The following B4GALT6 variants were observed in gnomAD, a reference collection of about 807,000 sequenced individuals.
B4GALT6 encodes the protein UDP-Gal:beta-GlcNAc beta-1,4-galactosyltransferase 6.
B4GALT6 carries 14 observed loss-of-function variants against 46.3 expected under a neutral mutation model. The observed-to-expected ratio is 0.30, with a 90% CI of 0.20 to 0.47. B4GALT6 has a LOEUF of 0.47. B4GALT6 is among the 20% of genes least tolerant of loss of function. The probability of loss-of-function intolerance (pLI) is 0.99; values close to 1 mark genes in which losing one functional copy is unlikely to be tolerated. For missense variants in B4GALT6, 386 were observed against 480.1 expected, an observed-to-expected ratio of 0.80 and a Z score of 1.83; for synonymous variants, 168 against 162.0, an observed-to-expected ratio of 1.04 and a Z score of -0.28.
chr18:31,700,603 C>T, the B4GALT6 span, among the ~76,000 whole-genome samples: 52 of 152,106 alleles, frequency 3.4e-4, no homozygotes, highest in African/African-American at 1.0e-3. Context: ...ACTACAGGTG[C>T]CTGCCTCCAC....
chr18:31,629,849 CAAA>C (rs1192136047), intron 6 of B4GALT6, among the ~76,000 whole-genome samples: 7 of 60,104 alleles, frequency 1.2e-4, no homozygotes, highest in Non-Finnish European at 1.4e-4. Context: ...GACTCTGTCT[CAAA>C]AAAAAAAAAA....
chr18:31,627,818 T>G (rs1019372120), intron 6 of B4GALT6, among the ~76,000 whole-genome samples: 6 of 152,264 alleles, frequency 3.9e-5, no homozygotes, highest in Non-Finnish European at 7.3e-5. Context: ...TTAGCTAAAC[T>G]GTGTGTTTAG....
intron 5 of B4GALT6, 69 bp downstream of exon 5, chr18:31,638,575 T>C (rs2073891213): frequency 1.9e-5 from 23 of 1,231,452 alleles, no homozygotes; most frequent in Non-Finnish European, 2.7e-5. Flanking sequence ...CCTAAATATG[T>C]TTAATCTAAC....
chr18:31,661,184 C>T (rs1479235998), intron 2 of B4GALT6, among the ~76,000 whole-genome samples: 1 of 152,148 alleles, frequency 6.6e-6, no homozygotes, highest in African/African-American at 2.4e-5. Context: ...ACAACATCAA[C>T]AATACCGATT....
At chr18:31,630,084 C>CG (rs1342466982) in intron 6 of B4GALT6, among the ~76,000 whole-genome samples, 2 of 10,118 alleles carry the variant, frequency 2.0e-4, no homozygotes, top group African/African-American at 8.3e-4. Flanking sequence ...GGAGCGGAAG[C>CG]GGGGAGGGGG....
chr18:31,663,510 A>G (rs1160781493), intron 2 of B4GALT6, among the ~76,000 whole-genome samples: 3 of 152,248 alleles, frequency 2.0e-5, no homozygotes, highest in East Asian at 3.8e-4. Context: ...AAAATAGTAT[A>G]CATCTATTTA....
At chr18:31,691,258 G>C in the B4GALT6 span, among the ~76,000 whole-genome samples, 2 of 143,004 alleles carry the variant, frequency 1.4e-5, no homozygotes, top group Non-Finnish European at 3.0e-5. Context: ...TGGATCAGTG[G>C]ATTAACATAG....
chr18:31,668,582 TGTTA>T (rs917243545), intron 1 of B4GALT6, among the ~76,000 whole-genome samples: 4 of 152,232 alleles, frequency 2.6e-5, no homozygotes, highest in African/African-American at 9.6e-5. Flanking sequence ...TTGTTCTTAA[TGTTA>T]GTTTCATAAA....
chr18:31,686,128 C>T (rs956093133), upstream of B4GALT6: 6 of 152,230 alleles, frequency 3.9e-5, no homozygotes, highest in African/African-American at 1.2e-4. Context: ...AGCTGTATCA[C>T]ATTGTTCAAA....
chr18:31,665,984 C>T (rs1296073736), intron 2 of B4GALT6, among the ~76,000 whole-genome samples: 4 of 152,100 alleles, frequency 2.6e-5, no homozygotes, highest in Admixed American at 1.3e-4. Flanking sequence ...ATACAACATA[C>T]GAATTGAAAA....
At chr18:31,631,398 T>C (rs2144509804) in intron 5 of B4GALT6, among the ~76,000 whole-genome samples, 1 of 152,076 alleles carries the variant, frequency 6.6e-6, no homozygotes, top group South Asian at 2.1e-4. Flanking sequence ...TGCATCATGA[T>C]CAAATGATTA....
chr18:31,638,318 G>C (rs937926604), intron 5 of B4GALT6, among the ~76,000 whole-genome samples: 1 of 152,144 alleles, frequency 6.6e-6, no homozygotes, highest in Non-Finnish European at 1.5e-5. Context: ...ACGAGATCAG[G>C]AGATCAAGAC....
chr18:31,697,551 T>A, the B4GALT6 span, among the ~76,000 whole-genome samples: 8 of 152,326 alleles, frequency 5.3e-5, no homozygotes, highest in Non-Finnish European at 7.4e-5. Flanking sequence ...TACTTGTGTG[T>A]ACACTCTCGT....
At chr18:31,724,448 G>A in the B4GALT6 span, 21 of 1,032,462 alleles carry the variant, frequency 2.0e-5, no homozygotes, top group Non-Finnish European at 2.5e-5. Context: ...TCGCCGCCAT[G>A]AGCTAACTCC....
At chr18:31,698,896 C>A in the B4GALT6 span, among the ~76,000 whole-genome samples, 5 of 151,962 alleles carry the variant, frequency 3.3e-5, no homozygotes, top group Non-Finnish European at 5.9e-5. Context: ...CATGGCGAAA[C>A]CCTGTCTCTA....
Position 31,684,525 on chromosome 18 carries a change from G to A in B4GALT6, c.-99C>T. ...TCCATAAATGTGCTGAGAACCCCGA[G>A]ACTGCAGCGGGGTCCGCGCGGGGAG... On this transcript the variant is annotated 5_prime_UTR_variant, in exon 1 of 9. Coordinates refer to ENST00000306851, the MANE Select transcript of B4GALT6 (RefSeq NM_004775.5). 1.3e-6 allele frequency: 2 copies of A among 1,520,618 alleles called. No individual in the cohort carries two copies. The highest frequency in any genetic ancestry group is 1.4e-5 in the African/African-American group (1 of 72,328). The allele number at this position is 1,520,618 out of a possible 1,614,324, so 94.2% of individuals were successfully genotyped here. A position where few individuals can be genotyped will look rare whatever the true frequency, so the allele number is the denominator to read the frequency against.
chr18:31,654,069 T>C (rs948068958), intron 3 of B4GALT6, among the ~76,000 whole-genome samples: 15 of 152,228 alleles, frequency 9.9e-5, no homozygotes, highest in African/African-American at 3.6e-4. Flanking sequence ...TTGGAGCTTT[T>C]GTTATATTCA....
rs982416956 is a variant in B4GALT6, at chr18:31,662,250, A to G, written c.232+4006T>C. On this transcript the variant is annotated intron_variant, in intron 2 of 8. Transcript: ENST00000306851. ...AAAGTTTTAGAGCTAAACATCTGCT[A>G]TTCTTGGCCACCTCCTAAGGAGCTC... 3.3e-5 allele frequency among the ~76,000 whole-genome samples: 5 copies of G among 152,218 alleles called. No individual in the cohort carries two copies. The South Asian group carries it at 8.3e-4, about 25-fold the overall frequency.
intron 4 of B4GALT6, among the ~76,000 whole-genome samples, chr18:31,641,071 T>C (rs1381514903): frequency 2.0e-5 from 3 of 152,190 alleles, no homozygotes; most frequent in Admixed American, 1.3e-4. Context: ...CAATGAGCTG[T>C]AAAAGCAGTT....
Sources: allele counts gnomAD v4.1 joint callset (sites outside exome capture counted in the v4.1 genomes callset), GRCh38; gene constraint gnomAD v4.1.1; transcripts MANE v1.5; gene names NCBI Gene and HGNC (gene_info 2026-07-23, HGNC 2026-07-21).